The following CRYBB2 variants were observed in gnomAD, a reference collection of about 807,000 sequenced individuals.
CRYBB2 encodes the protein beta-crystallin B2.
In CRYBB2, 12 loss-of-function variants were observed where a neutral mutation model predicts 24.3. The ratio of observed to expected loss-of-function variants is 0.49; its 90% confidence interval spans 0.32 to 0.80. CRYBB2 has a LOEUF of 0.80. Among genes scored for constraint, CRYBB2 ranks in the 30% least tolerant of loss-of-function variants. The probability of loss-of-function intolerance (pLI) is 0.04; values close to 1 mark genes in which losing one functional copy is unlikely to be tolerated. For synonymous variants in CRYBB2, 98 were observed against 101.6 expected (o/e 0.96, Z 0.21); for missense variants, 198 against 268.5 (o/e 0.74, Z 1.83).
Position 25,225,038 on chromosome 22 carries a change from T to A in CRYBB2, c.173+2T>A. The A allele has an allele frequency of 6.5e-7, 1 of 1,545,924 alleles. No individual in the cohort carries two copies. The highest frequency in any genetic ancestry group is 8.9e-7 in the Non-Finnish European group (1 of 1,117,646). On this transcript the variant is annotated splice_donor_variant, in intron 3 of 5. Transcript: ENST00000398215. LOFTEE classifies it high-confidence loss of function. Reference sequence around the variant, plus strand: ...TTCTGTCCTAGTGCAGGCTGGACCGTAAGTACCTGGGTGGCCTCTCCTGGT... The same window carrying A: ...TTCTGTCCTAGTGCAGGCTGGACCGAAAGTACCTGGGTGGCCTCTCCTGGT...
At position 25,219,665 on chromosome 22, in the gene CRYBB2, T is replaced by C. The variant is rs565189257; in HGVS notation, c.-28T>C. Reference sequence around the variant, plus strand: ...CGGCACTCGCAGGGGCTGGTGTCACTGGTAAGATTGCCTCTCTTGCTTGTC... The same window carrying C: ...CGGCACTCGCAGGGGCTGGTGTCACCGGTAAGATTGCCTCTCTTGCTTGTC... On this transcript the variant is annotated splice_region_variant and 5_prime_UTR_variant, in exon 1 of 6. Coordinates refer to ENST00000398215, the MANE Select transcript of CRYBB2 (RefSeq NM_000496.3). 6.6e-6 allele frequency: 1 copy of C among 152,380 alleles called. No individual in the cohort carries two copies. The highest frequency in any genetic ancestry group is 2.4e-5 in the African/African-American group (1 of 41,584). The allele number at this position is 152,380 out of a possible 1,614,324, so 9.4% of individuals were successfully genotyped here.
chr22:25,219,150 C>T (rs1569016731), upstream of CRYBB2, among the ~76,000 whole-genome samples: 1 of 152,198 alleles, frequency 6.6e-6, no homozygotes, highest in Non-Finnish European at 1.5e-5. Flanking sequence ...TCTGAATGGC[C>T]TGGGCTGGCG....
intron 1 of CRYBB2, among the ~76,000 whole-genome samples, chr22:25,214,243 C>G (rs1935139864): frequency 6.6e-6 from 1 of 152,194 alleles, no homozygotes; most frequent in Admixed American, 6.5e-5. Flanking sequence ...GAGGCTGAGA[C>G]AGGAGGATCA....
At chr22:25,224,134 A>C (rs1341670517) in intron 2 of CRYBB2, among the ~76,000 whole-genome samples, 2 of 149,470 alleles carry the variant, frequency 1.3e-5, no homozygotes, top group South Asian at 2.1e-4. Context: ...AAAAAAAAAA[A>C]ACAAAAAACC....
At chr22:25,218,814 G>GAAAGAAAGA (rs1463375039), upstream of CRYBB2, among the ~76,000 whole-genome samples, 7 of 126,384 alleles carry the variant, frequency 5.5e-5, no homozygotes, top group African/African-American at 2.3e-4. Context: ...AAGAAAGAAA[G>GAAAGAAAGA]AAAGAAAGAA....
chr22:25,221,344 A>G, intron 1 of CRYBB2, 60 bp from the exon 2 acceptor site: 1 of 1,037,268 alleles, frequency 9.6e-7, no homozygotes, highest in Admixed American at 1.7e-5. Context: ...TCAAGGCCCC[A>G]CAGAGTGAAA....
chr22:25,220,736 T>C (rs922601548), intron 1 of CRYBB2, among the ~76,000 whole-genome samples: 1 of 152,216 alleles, frequency 6.6e-6, no homozygotes, highest in Non-Finnish European at 1.5e-5. Flanking sequence ...GCTTTTCTGA[T>C]GTTCTCACTA....
At chr22:25,226,164 TTC>T (rs200671614) in intron 3 of CRYBB2, among the ~76,000 whole-genome samples, 6 of 110,088 alleles carry the variant, frequency 5.5e-5, no homozygotes, top group African/African-American at 2.1e-4. Context: ...GAATTTGGAT[TTC>T]TCTGTGTGTG....
upstream of CRYBB2, among the ~76,000 whole-genome samples, chr22:25,218,730 GAGA>G (rs1364237803): frequency 3.6e-3 from 343 of 95,938 alleles, 26 homozygotes; most frequent in East Asian, 0.011. Flanking sequence ...GAGAGAGAGA[GAGA>G]GGGGAGAGAG....
chr22:25,218,205 G>C (rs565835266), upstream of CRYBB2, among the ~76,000 whole-genome samples: 1 of 151,434 alleles, frequency 6.6e-6, no homozygotes, highest in African/African-American at 2.4e-5. Context: ...CTTGCAGTGA[G>C]CTGAGATCGT....
At chr22:25,218,788 AAGAAAGAAAG>A (rs1935255533), upstream of CRYBB2, among the ~76,000 whole-genome samples, 1 of 93,982 alleles carries the variant, frequency 1.1e-5, no homozygotes, top group African/African-American at 4.9e-5. Context: ...AGAAGAAAGA[AAGAAAGAAAG>A]AAAGAAAGAA....
chr22:25,218,714 G>GAA (rs1935229742), upstream of CRYBB2, among the ~76,000 whole-genome samples: 2 of 108,620 alleles, frequency 1.8e-5, no homozygotes, highest in Admixed American at 1.9e-4. Context: ...GGGGGAGAGA[G>GAA]AGAGAGAGAG....
chr22:25,215,171 A>G (rs1935152455), upstream of CRYBB2, among the ~76,000 whole-genome samples: 1 of 152,242 alleles, frequency 6.6e-6, no homozygotes, highest in South Asian at 2.1e-4. Context: ...CAGCACTGTG[A>G]CATGTTTGTG....
upstream of CRYBB2, among the ~76,000 whole-genome samples, chr22:25,212,546 C>G (rs556403500): frequency 2.0e-5 from 3 of 152,214 alleles, no homozygotes; most frequent in South Asian, 6.2e-4. Context: ...CTGGCCATTT[C>G]CTGTTGCTAG....
intron 3 of CRYBB2, among the ~76,000 whole-genome samples, chr22:25,226,476 G>A (rs955252823): frequency 3.3e-5 from 5 of 152,050 alleles, no homozygotes; most frequent in African/African-American, 7.2e-5. Context: ...TGATAGTTAC[G>A]CCAATTACAT....
chr22:25,218,707 G>GGAGA (rs765434004), upstream of CRYBB2, among the ~76,000 whole-genome samples: 10 of 24,952 alleles, frequency 4.0e-4, no homozygotes, highest in Non-Finnish European at 3.3e-4. Flanking sequence ...AGAGAGAGGG[G>GGAGA]GAGAGAGAGA....
upstream of CRYBB2, among the ~76,000 whole-genome samples, chr22:25,216,210 T>A (rs542096868): frequency 6.6e-6 from 1 of 152,322 alleles, no homozygotes; most frequent in South Asian, 2.1e-4. Context: ...ATAAAAGATA[T>A]TCCAAAGTCC....
At chr22:25,218,777 G>GAAAA (rs35584547), upstream of CRYBB2, among the ~76,000 whole-genome samples, 5 of 26,060 alleles carry the variant, frequency 1.9e-4, 2 homozygotes, top group African/African-American at 1.1e-3. Flanking sequence ...GAGAGAGAGA[G>GAAAA]AGAAGAAAGA....
chr22:25,216,376 G>A (rs535822079), upstream of CRYBB2, among the ~76,000 whole-genome samples: 1 of 152,344 alleles, frequency 6.6e-6, no homozygotes, highest in African/African-American at 2.4e-5. Context: ...TTTAGACATA[G>A]AATCAGCCAT....
Sources: allele counts gnomAD v4.1 joint callset (sites outside exome capture counted in the v4.1 genomes callset), GRCh38; gene constraint gnomAD v4.1.1; transcripts MANE v1.5; gene names NCBI Gene and HGNC (gene_info 2026-07-23, HGNC 2026-07-21).